DVL1: variants seen among roughly 807,000 people sequenced by gnomAD.
DVL1 encodes segment polarity protein dishevelled homolog DVL-1.
DVL1 carries 49 observed loss-of-function variants against 65.0 expected under a neutral mutation model. The ratio of observed to expected loss-of-function variants is 0.75; its 90% CI spans 0.60 to 0.96. The LOEUF (loss-of-function observed/expected upper bound fraction) is 0.96. Ranked by LOEUF, DVL1 falls within the 40% of genes least tolerant of loss-of-function variation. DVL1 has a pLI of 0.00. For missense variants in DVL1, 1,197 were observed against 1,045.4 expected (o/e 1.15, Z -2.00); for synonymous variants, 608 against 433.9 (o/e 1.40, Z -4.99).
intron 14 of DVL1, 110 bp downstream of exon 14, chr1:1,337,867 T>TGGGGGTGGAGCG (rs1557663506): frequency 1.7e-6 from 1 of 595,922 alleles, no homozygotes; most frequent in Non-Finnish European, 2.5e-6. Flanking sequence ...GGGGTGGAGC[T>TGGGGGTGGAGCG]GGGGGTGGAG....
At position 1,340,446 on chromosome 1, in the gene DVL1, G is replaced by T; in HGVS notation, c.663C>A (p.Arg221=). The T allele has an allele frequency of 1.9e-6, 3 of 1,612,212 alleles. No individual in the cohort carries two copies. Among genetic ancestry groups the T allele is most frequent in the East Asian group, 2.2e-5 (1 of 44,832 alleles). ...TSSRLIRKHK[R]RRRKQRLRQA... is the part of the protein sequence containing the mutation. ...GCCGAAGGCGCTGCTTCCTCCGCCG[G>T]CGTTTGTGCTTCCGGATGAGTCTGG... Residue 221 remains arginine (R), a synonymous_variant, in exon 6 of 15, where the codon CGC becomes CGA. Transcript: ENST00000378888.
chr1:1,338,757 G>A lies in DVL1; in HGVS notation c.1208-104C>T, dbSNP rs914491569. 47 of 1,481,728 alleles carry A rather than the reference G, an allele frequency of 3.2e-5. No individual in the cohort carries two copies. In the Middle Eastern group the frequency reaches 7.1e-4, roughly 22 times the overall value. 91.8% of individuals were successfully genotyped at this position (1,481,728 alleles called of 1,614,324 possible). A position where few individuals can be genotyped will look rare whatever the true frequency, so the allele number is the denominator to read the frequency against. On this transcript the variant is annotated intron_variant, in intron 11 of 14. Coordinates refer to ENST00000378888, the MANE Select transcript of DVL1 (RefSeq NM_001330311.2). ...CTCTGGGCAGAGCCTGCGCCAGGGCGCAAGCTGGACGGTGCGTGACAGCAG... is the reference window on the plus strand; with the variant it reads ...CTCTGGGCAGAGCCTGCGCCAGGGCACAAGCTGGACGGTGCGTGACAGCAG...
intron 1 of DVL1, among the ~76,000 whole-genome samples, chr1:1,343,267 C>A (rs574483420): frequency 0.064 from 9,648 of 151,810 alleles, 481 homozygotes; most frequent in African/African-American, 0.13. Flanking sequence ...GCCCCCCCCC[C>A]CCAGGGCTTC....
At chr1:1,342,545 C>G in intron 2 of DVL1, 61 bp from the exon 3 acceptor site, 1 of 1,584,616 alleles carries the variant, frequency 6.3e-7, no homozygotes, top group South Asian at 1.1e-5. Context: ...CTCCTCAGGG[C>G]ACCCAGGGAA....
At position 1,348,923 on chromosome 1, in the gene DVL1, A is replaced by G. The variant is rs757757453; in HGVS notation, c.143T>C (p.Phe48Ser). ...GAAGTCCTGGTCCATGGACTTAAAG[A>G]AGAATTTGTAGGCGTGCACGGGCCG... ...SNRPVHAYKF[F>S]FKSMDQDFGV... is the part of the protein sequence containing the mutation. The change falls in exon 1 of 15, where the codon TTC becomes TCC. Residue 48 changes from phenylalanine to serine, a missense_variant. Coordinates refer to ENST00000378888, the MANE Select transcript of DVL1 (RefSeq NM_001330311.2). 1 of 1,569,810 alleles carries G rather than the reference A, an allele frequency of 6.4e-7. No homozygotes were observed. The highest frequency in any genetic ancestry group is 1.7e-5 in the Admixed American group (1 of 57,914).
At chr1:1,342,282 G>A in intron 3 of DVL1, 81 bp downstream of exon 3, 2 of 1,500,782 alleles carry the variant, frequency 1.3e-6, no homozygotes, top group South Asian at 1.3e-5. Context: ...TACTGGCCCA[G>A]GCAGGCCTCC....
chr1:1,337,721 G>C (rs1026005529), intron 14 of DVL1: 2 of 684,310 alleles, frequency 2.9e-6, no homozygotes, highest in East Asian at 2.8e-5. Flanking sequence ...ACGCTTCCCT[G>C]TCCTCCCCAT....
chr1:1,344,256 C>T (rs1047481823), intron 1 of DVL1, among the ~76,000 whole-genome samples: 68 of 152,340 alleles, frequency 4.5e-4, no homozygotes, highest in African/African-American at 1.4e-3. Flanking sequence ...AGCCCGGAGA[C>T]GGGGCTTGGC....
intron 1 of DVL1, 113 bp from the exon 2 acceptor site, chr1:1,342,871 C>G: frequency 1.0e-6 from 1 of 999,738 alleles, no homozygotes; most frequent in Middle Eastern, 2.2e-4. Flanking sequence ...ACTCTGTGGA[C>G]ACCCCTGCTA....
At chr1:1,337,941 G>C (rs1301566094) in intron 14 of DVL1, 36 bp downstream of exon 14, 7 of 1,567,818 alleles carry the variant, frequency 4.5e-6, no homozygotes, top group Non-Finnish European at 6.1e-6. Context: ...GCTGGGGGCG[G>C]AGCCGGGGAA....
intron 1 of DVL1, among the ~76,000 whole-genome samples, chr1:1,348,046 C>T (rs886134118): frequency 6.6e-6 from 1 of 152,226 alleles, no homozygotes; most frequent in Non-Finnish European, 1.5e-5. Context: ...TTGCCGGAGG[C>T]TCACCTCCTG....
At chr1:1,345,139 T>A (rs307358) in intron 1 of DVL1, among the ~76,000 whole-genome samples, 1 of 152,086 alleles carries the variant, frequency 6.6e-6, no homozygotes, top group African/African-American at 2.4e-5. Context: ...CAAGCCCGCA[T>A]GGCCCACCCA....
chr1:1,337,337 C>G (rs1422821900), intron 14 of DVL1, among the ~76,000 whole-genome samples: 2 of 152,172 alleles, frequency 1.3e-5, no homozygotes, highest in African/African-American at 4.8e-5. Flanking sequence ...CAACCCCACC[C>G]ACTGGGGCCT....
chr1:1,342,349 C>T lies in DVL1; in HGVS notation c.362+14G>A, dbSNP rs1195904354. The T allele has an allele frequency of 6.4e-7, 1 of 1,563,498 alleles. No homozygotes were observed. The highest frequency in any genetic ancestry group is 1.9e-5 in the Admixed American group (1 of 53,666). ...GCTTGGGGTAGCAGGGCCCAGCGCCCACGGTGTCCTTACTGGAAGGAGGGG... is the reference window on the plus strand; with the variant it reads ...GCTTGGGGTAGCAGGGCCCAGCGCCTACGGTGTCCTTACTGGAAGGAGGGG... On this transcript the variant is annotated intron_variant, in intron 3 of 14. Transcript: ENST00000378888.
rs1491119522 is a variant in DVL1, at chr1:1,335,762, A to AG, written c.*379dup. 19 of 229,184 alleles carry AG rather than the reference A, an allele frequency of 8.3e-5. No homozygotes were observed. In the East Asian group the frequency reaches 1.8e-3, roughly 22 times the overall value. 14.2% of individuals were successfully genotyped at this position (229,184 alleles called of 1,614,324 possible). A position where few individuals can be genotyped will look rare whatever the true frequency, so the allele number is the denominator to read the frequency against. On this transcript the variant is annotated 3_prime_UTR_variant, in exon 15 of 15. Transcript: ENST00000378888. The stretch of plus-strand genomic sequence containing the variant: ...AATAAATTAGATCCCTACTCCAGAC[A>AG]GGGGGCCTGTGCACCGCAGGGGGTT...
chr1:1,335,859 G>A lies in DVL1; in HGVS notation c.*283C>T. 1.9e-6 allele frequency: 1 copy of A among 523,088 alleles called. No homozygotes were observed. The highest frequency in any genetic ancestry group is 3.4e-6 in the Non-Finnish European group (1 of 294,666). The allele number at this position is 523,088 out of a possible 1,614,324, so 32.4% of individuals were successfully genotyped here. Reference sequence around the variant, plus strand: ...GTGGGGGTCAGCCGAGAGCCCGAGGGGGTCTTCCTCATCCCAGGAGGGATC... The same window carrying A: ...GTGGGGGTCAGCCGAGAGCCCGAGGAGGTCTTCCTCATCCCAGGAGGGATC... On this transcript the variant is annotated 3_prime_UTR_variant, in exon 15 of 15. Coordinates refer to ENST00000378888, the MANE Select transcript of DVL1 (RefSeq NM_001330311.2).
In DVL1 at chr1:1,339,459, C is replaced by T. The variant is rs904277084; in HGVS notation, c.1055-20G>A. 5 of 1,541,428 alleles carry T rather than the reference C, an allele frequency of 3.2e-6. No individual in the cohort carries two copies. The highest frequency in any genetic ancestry group is 3.9e-5 in the Admixed American group (2 of 50,636). On this transcript the variant is annotated intron_variant, in intron 10 of 14. Transcript: ENST00000378888. ...GGTCAGCTGGGTGGCCGCCACGTGG[C>T]GATGACAGGCGGACAGATGGACAGG...
intron 1 of DVL1, 147 bp downstream of exon 1, chr1:1,348,749 G>A (rs983196664): frequency 2.4e-5 from 15 of 627,230 alleles, no homozygotes; most frequent in African/African-American, 4.0e-5. Context: ...GGCCGAGGCC[G>A]CCACCCGCGC....
chr1:1,341,125 A>G lies in DVL1; in HGVS notation c.605+542T>C, dbSNP rs543262991. ...CACACACCTGCACACGCACGCCTGCACATGCACACCTGCACGCACACCTTC... is the reference window on the plus strand; with the variant it reads ...CACACACCTGCACACGCACGCCTGCGCATGCACACCTGCACGCACACCTTC... On this transcript the variant is annotated intron_variant, in intron 5 of 14. Transcript: ENST00000378888. Among the ~76,000 whole-genome samples, 3 of 146,952 alleles carry G rather than the reference A, an allele frequency of 2.0e-5. No individual in the cohort carries two copies. The East Asian group carries it at 6.2e-4, about 30-fold the overall frequency.
Sources: gnomAD v4.1 joint callset for allele counts (sites outside exome capture counted in the v4.1 genomes callset) on GRCh38, gnomAD v4.1.1 for gene constraint, MANE v1.5 for transcripts, NCBI Gene and HGNC (gene_info 2026-07-23, HGNC 2026-07-21) for gene names.